ADAMTS18: variants seen among roughly 807,000 people sequenced by gnomAD.
ADAMTS18 encodes the protein A disintegrin and metalloproteinase with thrombospondin motifs 18.
In ADAMTS18, 157 loss-of-function variants were observed where a neutral mutation model predicts 165.9. The ratio of observed to expected loss-of-function variants is 0.95; its 90% CI spans 0.83 to 1.08. The LOEUF (loss-of-function observed/expected upper bound fraction) is 1.08, where lower values mean the gene tolerates loss of function less well. Among genes scored for constraint, ADAMTS18 ranks in the 50% least tolerant of loss-of-function variants. The pLI is 0.00. For synonymous variants in ADAMTS18, 782 were observed against 578.2 expected (o/e 1.35, Z -5.06); for missense variants, 2,040 against 1,534.0 (o/e 1.33, Z -5.51).
At chr16:77,327,565 A>G (rs1260701868) in intron 12 of ADAMTS18, among the ~76,000 whole-genome samples, 2 of 152,244 alleles carry the variant, frequency 1.3e-5, no homozygotes, top group Non-Finnish European at 2.9e-5. Context: ...CCCAGCCGTA[A>G]AAAAGTAATG....
intron 3 of ADAMTS18, among the ~76,000 whole-genome samples, chr16:77,404,175 G>T (rs1285550287): frequency 6.6e-6 from 1 of 152,084 alleles, no homozygotes; most frequent in East Asian, 1.9e-4. Flanking sequence ...GGAGGAGGTG[G>T]AGGAGCAAAA....
At chr16:77,395,332 G>A (rs2057242567) in intron 3 of ADAMTS18, among the ~76,000 whole-genome samples, 1 of 152,138 alleles carries the variant, frequency 6.6e-6, no homozygotes, top group Non-Finnish European at 1.5e-5. Flanking sequence ...AGCCTGTCAA[G>A]GACTCTGTTA....
chr16:77,422,736 G>T (rs2057620074), intron 3 of ADAMTS18, among the ~76,000 whole-genome samples: 1 of 152,082 alleles, frequency 6.6e-6, no homozygotes, highest in Non-Finnish European at 1.5e-5. Context: ...GCTTAACATA[G>T]CCTGAGATGA....
At chr16:77,385,764 G>A (rs1025321) in intron 3 of ADAMTS18, among the ~76,000 whole-genome samples, 24,226 of 152,136 alleles carry the variant, frequency 0.16, 2,399 homozygotes, top group Middle Eastern at 0.27. Flanking sequence ...CAGGGGTGGG[G>A]TGGAAGAGCC....
At chr16:77,395,192 GAATC>G (rs539958562) in intron 3 of ADAMTS18, among the ~76,000 whole-genome samples, 19 of 152,286 alleles carry the variant, frequency 1.2e-4, no homozygotes, top group Non-Finnish European at 1.8e-4. Flanking sequence ...AGGTCTTTCT[GAATC>G]AATTAGCAGT....
intron 3 of ADAMTS18, among the ~76,000 whole-genome samples, chr16:77,419,935 G>C (rs897983004): frequency 1.4e-5 from 2 of 145,446 alleles, no homozygotes; most frequent in African/African-American, 5.1e-5. Context: ...GGAGGCGGAG[G>C]TTGCAGTAAA....
intron 10 of ADAMTS18, 31 bp from the exon 11 acceptor site, chr16:77,341,830 A>C: frequency 1.3e-6 from 2 of 1,496,528 alleles, no homozygotes; most frequent in Non-Finnish European, 1.9e-6. Context: ...GGTGCTGTTA[A>C]TGGTGATATA....
At chr16:77,425,548 C>T (rs1016499392) in intron 3 of ADAMTS18, among the ~76,000 whole-genome samples, 1 of 152,206 alleles carries the variant, frequency 6.6e-6, no homozygotes, top group Non-Finnish European at 1.5e-5. Context: ...ATGACTGACA[C>T]TTTTTGCATG....
At chr16:77,421,771 T>G (rs991249376) in intron 3 of ADAMTS18, among the ~76,000 whole-genome samples, 1 of 152,144 alleles carries the variant, frequency 6.6e-6, no homozygotes, top group Admixed American at 6.5e-5. Flanking sequence ...CCTACCCTCC[T>G]CATAAAATAT....
intron 19 of ADAMTS18, among the ~76,000 whole-genome samples, chr16:77,294,112 T>C (rs1386818679): frequency 1.3e-5 from 2 of 152,136 alleles, no homozygotes; most frequent in Non-Finnish European, 2.9e-5. Flanking sequence ...CCTGGCCCCA[T>C]GGTTCAGGTG....
rs1033603143 is a variant in ADAMTS18 at position 77,363,999 on chromosome 16, A to T, written c.973-114T>A. On this transcript the variant is annotated intron_variant, in intron 5 of 22. Coordinates refer to ENST00000282849, the MANE Select transcript of ADAMTS18 (RefSeq NM_199355.4). ...CTTTAATTTTACCAAATATATGTACATATAAATACAATTTCCTCAAAACTC... is the reference window on the plus strand; with the variant it reads ...CTTTAATTTTACCAAATATATGTACTTATAAATACAATTTCCTCAAAACTC... 12 of 1,224,232 alleles carry T rather than the reference A, an allele frequency of 9.8e-6. No individual in the cohort carries two copies. In the Admixed American group the frequency reaches 2.1e-4, roughly 22 times the overall value. 75.8% of individuals were successfully genotyped at this position (1,224,232 alleles called of 1,614,324 possible). A position where few individuals can be genotyped will look rare whatever the true frequency, so the allele number is the denominator to read the frequency against.
chr16:77,393,505 T>G (rs2057217353), intron 3 of ADAMTS18, among the ~76,000 whole-genome samples: 1 of 152,172 alleles, frequency 6.6e-6, no homozygotes, highest in Non-Finnish European at 1.5e-5. Flanking sequence ...GATGATGGTC[T>G]TAGGAGGTAG....
chr16:77,335,270 TAA>T (rs560255934), intron 12 of ADAMTS18, among the ~76,000 whole-genome samples: 23 of 116,534 alleles, frequency 2.0e-4, no homozygotes, highest in Non-Finnish European at 1.5e-4. Context: ...ATGTGAGAGC[TAA>T]AAAAAAAAAA....
intron 8 of ADAMTS18, among the ~76,000 whole-genome samples, chr16:77,357,369 T>C (rs1170527413): frequency 6.6e-6 from 1 of 152,124 alleles, no homozygotes; most frequent in African/African-American, 2.4e-5. Context: ...CACTCAAAAA[T>C]AGGTATTGAC....
intron 10 of ADAMTS18, 135 bp downstream of exon 10, chr16:77,353,598 G>A (rs747869448): frequency 1.0e-4 from 126 of 1,211,364 alleles, no homozygotes; most frequent in Non-Finnish European, 1.5e-4. Context: ...TAATTATCAT[G>A]CCAAACAACT....
In ADAMTS18 at chr16:77,431,401, T is replaced by A. The variant is rs918763526; in HGVS notation, c.389A>T (p.Asp130Val). The A allele has an allele frequency of 3.7e-6, 6 of 1,614,068 alleles. No homozygotes were observed. In the Admixed American group the frequency reaches 8.3e-5, roughly 22 times the overall value. Residue 130 changes from aspartate (D) to valine (V), a missense_variant, in exon 3 of 23, where the codon GAT becomes GTT. Asp to Val is a radical substitution (Grantham distance 152). Coordinates refer to ENST00000282849, the MANE Select transcript of ADAMTS18 (RefSeq NM_199355.4). ...GGGTTTCTGAGTCTCTGAAGCACCA[T>A]CTTTTCCAAGTACCTGGACAATAAA... ...SHFIVQVLGKDGASETQKPEV... is the reference protein window; with the variant it reads ...SHFIVQVLGKVGASETQKPEV...
intron 3 of ADAMTS18, among the ~76,000 whole-genome samples, chr16:77,421,523 C>G (rs771101433): frequency 6.6e-6 from 1 of 152,240 alleles, no homozygotes. Flanking sequence ...TGGTGGGAAA[C>G]CACGCAATTT....
intron 16 of ADAMTS18, among the ~76,000 whole-genome samples, chr16:77,308,215 A>T (rs74025792): frequency 0.041 from 6,286 of 152,204 alleles, 423 homozygotes; most frequent in African/African-American, 0.14. Context: ...AAAACTTTTT[A>T]AAAAAGGAAT....
chr16:77,359,294 G>A, intron 8 of ADAMTS18, 24 bp downstream of exon 8: 4 of 1,588,952 alleles, frequency 2.5e-6, no homozygotes, highest in Non-Finnish European at 3.5e-6. Flanking sequence ...TTCACATAAA[G>A]TAGTGGTTCA....
Sources: allele counts gnomAD v4.1 joint callset (sites outside exome capture counted in the v4.1 genomes callset), GRCh38; gene constraint gnomAD v4.1.1; transcripts MANE v1.5; gene names NCBI Gene and HGNC (gene_info 2026-07-23, HGNC 2026-07-21).